Variants in FAM184A observed in about 807,000 individuals in gnomAD.
The protein encoded by FAM184A is family with sequence similarity 184 member A.
Under a neutral mutation model 143.8 loss-of-function variants are expected in FAM184A, and 99 were observed. The observed-to-expected ratio is 0.69, with a 90% CI of 0.58 to 0.81. The LOEUF is 0.81. FAM184A is among the 40% of genes least tolerant of loss of function. The probability of loss-of-function intolerance (pLI) is 0.00; values close to 1 mark genes in which losing one functional copy is unlikely to be tolerated. For synonymous variants in FAM184A, 427 were observed against 446.4 expected (o/e 0.96, Z 0.55); for missense variants, 1,217 against 1,310.5 (o/e 0.93, Z 1.10).
intron 1 of FAM184A, among the ~76,000 whole-genome samples, chr6:119,101,600 C>A (rs917511792): frequency 6.6e-6 from 1 of 152,136 alleles, no homozygotes; most frequent in Admixed American, 6.5e-5. Flanking sequence ...GCGCAAATTT[C>A]TTGAGTGTGG....
rs1562450922 is a variant in FAM184A at position 118,960,146 on chromosome 6, T to G, written c.3380A>C (p.Asp1127Ala). Residue 1127 changes from aspartate (D) to alanine (A), a missense_variant, in exon 18 of 18, where the codon GAT becomes GCT. Physicochemically the swap from Asp to Ala is moderately radical, Grantham distance 126. Coordinates refer to ENST00000338891, the MANE Select transcript of FAM184A (RefSeq NM_024581.6). ...GGCAAACCACTCCTGGCGCTGGGGA[T>G]CTGGAGAAGCCACTGGAGAAGCTTC... is the stretch of plus-strand genomic sequence containing the variant. The part of the protein sequence containing the change: ...QSEASPVASP[D>A]PQRQEWFARY... The G allele has an allele frequency of 6.2e-7, 1 of 1,613,434 alleles. No individual in the cohort carries two copies.
chr6:119,063,391 C>T (rs111971870), intron 1 of FAM184A, among the ~76,000 whole-genome samples: 23 of 152,334 alleles, frequency 1.5e-4, no homozygotes, highest in African/African-American at 5.5e-4. Context: ...GCAGAACATA[C>T]TGCATGTTAA....
In FAM184A at chr6:119,078,267, G is replaced by A. The variant is rs1293851676; in HGVS notation, c.33C>T (p.His11=). MATPGMSWQQ[H]YYGGSAAKFA... ...ATTTGGCCGCCGAGCCGCCGTAATA[G>A]TGCTGCTGCCAGCTCATGCCCGGGG... The change falls in exon 1 of 18, where the codon CAC becomes CAT. Residue 11 remains histidine, a synonymous_variant. Transcript: ENST00000338891. The surrounding 1 kb of genome is among the most constrained non-coding windows in gnomAD (Gnocchi z 5.5). The A allele has an allele frequency of 6.5e-7, 1 of 1,529,948 alleles. No individual in the cohort carries two copies. 94.8% of individuals were successfully genotyped at this position (1,529,948 alleles called of 1,614,324 possible). A position where few individuals can be genotyped will look rare whatever the true frequency, so the allele number is the denominator to read the frequency against.
chr6:118,970,979 C>A (rs1356945509), intron 14 of FAM184A, among the ~76,000 whole-genome samples: 2 of 151,884 alleles, frequency 1.3e-5, no homozygotes, highest in South Asian at 4.2e-4. Context: ...ATTTTAGAAC[C>A]AAAAATGGTA....
At chr6:118,985,973 G>A (rs1038936070) in intron 9 of FAM184A, among the ~76,000 whole-genome samples, 3 of 152,130 alleles carry the variant, frequency 2.0e-5, no homozygotes, top group Non-Finnish European at 4.4e-5. Flanking sequence ...AATCACTAAT[G>A]TGCTATTACT....
chr6:119,012,414 T>A (rs1785116343), intron 5 of FAM184A, among the ~76,000 whole-genome samples: 2 of 152,124 alleles, frequency 1.3e-5, no homozygotes, highest in South Asian at 4.1e-4. Flanking sequence ...TGGGGTGAAG[T>A]CTGCCAGAAA....
At chr6:119,083,299 A>G (rs1033858766), upstream of FAM184A, among the ~76,000 whole-genome samples, 2 of 152,116 alleles carry the variant, frequency 1.3e-5, no homozygotes, top group Non-Finnish European at 2.9e-5. Context: ...TATTTTCCCC[A>G]TTGTCTTGGC....
Position 118,967,042 on chromosome 6 carries a change from C to T in FAM184A, c.2916-90G>A, listed in dbSNP as rs1160989724. On this transcript the variant is annotated intron_variant, in intron 14 of 17. Transcript: ENST00000338891. ...TTAAAAAAATTAGTCTAGTTGAACA[C>T]ACACAAAAATCTGAAACAAAACTTC... The T allele has an allele frequency of 8.1e-6, 5 of 617,040 alleles. No homozygotes were observed. In the Admixed American group the frequency reaches 8.6e-5, roughly 11 times the overall value. 38.2% of individuals were successfully genotyped at this position (617,040 alleles called of 1,614,324 possible). A position where few individuals can be genotyped will look rare whatever the true frequency, so the allele number is the denominator to read the frequency against.
At chr6:119,019,932 A>G (rs755808759) in intron 4 of FAM184A, 46 bp downstream of exon 4, 1 of 1,453,072 alleles carries the variant, frequency 6.9e-7, no homozygotes, top group South Asian at 1.5e-5. Flanking sequence ...GAAAAAGAGA[A>G]AAACGGAACT....
chr6:119,044,115 G>C (rs1182371964), intron 1 of FAM184A, among the ~76,000 whole-genome samples: 5 of 152,114 alleles, frequency 3.3e-5, no homozygotes, highest in Non-Finnish European at 5.9e-5. Flanking sequence ...GACTGATTAA[G>C]ACAAAGGAGA....
At position 118,961,850 on chromosome 6, in the gene FAM184A, A is replaced by C; in HGVS notation, c.3252T>G (p.Ile1084Met). The C allele has an allele frequency of 6.2e-7, 1 of 1,613,928 alleles. No individual in the cohort carries two copies. The highest frequency in any genetic ancestry group is 8.5e-7 in the Non-Finnish European group (1 of 1,179,872). The part of the protein sequence containing the change: ...GNGHPNRLDP[I>M]PNSPVHDIEF... ...CAATATCGTGGACTGGAGAATTAGG[A>C]ATGGGATCCAGGCGGTTAGGATGTC... The change falls in exon 17 of 18, where the codon ATT (isoleucine) becomes ATG (methionine). Residue 1084 changes from isoleucine (I) to methionine (M), a missense_variant. Physicochemically the swap from Ile to Met is conservative, Grantham distance 10. Transcript: ENST00000338891.
chr6:119,018,302 T>C (rs1490572959), intron 4 of FAM184A, among the ~76,000 whole-genome samples: 1 of 152,198 alleles, frequency 6.6e-6, no homozygotes, highest in Non-Finnish European at 1.5e-5. Context: ...TGACATTCTC[T>C]CATTTAATTC....
At chr6:119,105,370 G>A (rs1036275250) in intron 1 of FAM184A, among the ~76,000 whole-genome samples, 1 of 152,040 alleles carries the variant, frequency 6.6e-6, no homozygotes, top group Admixed American at 6.6e-5. Flanking sequence ...GCTGTTCTCG[G>A]GATAGTGAGT....
At chr6:118,990,787 A>C (rs1582474146) in intron 9 of FAM184A, among the ~76,000 whole-genome samples, 2 of 151,838 alleles carry the variant, frequency 1.3e-5, no homozygotes, top group East Asian at 3.9e-4. Flanking sequence ...GCTACTCGGG[A>C]GGCTGAGGCA....
intron 9 of FAM184A, among the ~76,000 whole-genome samples, chr6:118,986,327 A>T (rs1784194438): frequency 6.6e-6 from 1 of 152,174 alleles, no homozygotes; most frequent in Non-Finnish European, 1.5e-5. Context: ...TATGTCCCCA[A>T]TCATCCTCTT....
chr6:119,134,084 A>C (rs895105601), intron 1 of FAM184A, among the ~76,000 whole-genome samples: 26 of 152,162 alleles, frequency 1.7e-4, no homozygotes, highest in Admixed American at 1.7e-3. Context: ...AAAAGACGTA[A>C]TAATGAGAAT....
intron 1 of FAM184A, among the ~76,000 whole-genome samples, chr6:119,059,409 C>T (rs1450314556): frequency 3.3e-5 from 5 of 152,172 alleles, no homozygotes; most frequent in Admixed American, 3.3e-4. Flanking sequence ...ATTTTTCTTC[C>T]AATGTATTTT....
In FAM184A at chr6:119,078,402, C is replaced by T; in HGVS notation, c.-103G>A. 3.4e-6 allele frequency: 4 copies of T among 1,190,796 alleles called. No homozygotes were observed. The highest frequency in any genetic ancestry group is 3.3e-6 in the Non-Finnish European group (3 of 908,750). 73.8% of individuals were successfully genotyped at this position (1,190,796 alleles called of 1,614,324 possible). A position where few individuals can be genotyped will look rare whatever the true frequency, so the allele number is the denominator to read the frequency against. ...AAGAGTCGCGGCGGCCGCTTCCCGACCCGACACCCGGCGCCCCCCAGACTC... is the reference window on the plus strand; with the variant it reads ...AAGAGTCGCGGCGGCCGCTTCCCGATCCGACACCCGGCGCCCCCCAGACTC... On this transcript the variant is annotated 5_prime_UTR_variant, in exon 1 of 18. Coordinates refer to ENST00000338891, the MANE Select transcript of FAM184A (RefSeq NM_024581.6). This position sits in a 1 kb window ranked among gnomAD's most constrained non-coding sequence, Gnocchi z 5.5.
intron 16 of FAM184A, chr6:118,963,371 C>T (rs1783394164): frequency 6.6e-6 from 1 of 151,922 alleles, no homozygotes; most frequent in Non-Finnish European, 1.5e-5. Context: ...TAATTAAAAT[C>T]TTATTTCACC....
Sources: allele counts gnomAD v4.1 joint callset (sites outside exome capture counted in the v4.1 genomes callset), GRCh38; gene constraint gnomAD v4.1.1; non-coding constraint Gnocchi (gnomAD v3.1); transcripts MANE v1.5; gene names NCBI Gene and HGNC (gene_info 2026-07-23, HGNC 2026-07-21).